OLFM3: variants seen among roughly 807,000 people sequenced by gnomAD.
The protein encoded by OLFM3 is olfactomedin 3.
OLFM3 carries 20 observed loss-of-function variants against 48.6 expected under a neutral mutation model. That is an observed-to-expected ratio of 0.41 (90% confidence interval 0.29 to 0.60). The LOEUF is 0.60. Among genes scored for constraint, OLFM3 ranks in the 20% least tolerant of loss-of-function variants. The pLI is 0.28. For missense variants in OLFM3, 437 were observed against 544.3 expected (o/e 0.80, Z 1.96); for synonymous variants, 222 against 198.1 (o/e 1.12, Z -1.01).
At chr1:101,896,352 T>C (rs922052715) in intron 1 of OLFM3, among the ~76,000 whole-genome samples, 4 of 152,154 alleles carry the variant, frequency 2.6e-5, no homozygotes, top group Non-Finnish European at 5.9e-5. Context: ...ACATTTGCCA[T>C]GGCACTTGTT....
chr1:101,957,173 TTTAAAGACATCA>T (rs1195317353), intron 1 of OLFM3, among the ~76,000 whole-genome samples: 1 of 151,932 alleles, frequency 6.6e-6, no homozygotes, highest in African/African-American at 2.4e-5. Flanking sequence ...TAGCTATGGT[TTTAAAGACATCA>T]TTTGGGAAGG....
At chr1:101,861,814 AT>A (rs1361906784) in intron 1 of OLFM3, among the ~76,000 whole-genome samples, 4 of 152,202 alleles carry the variant, frequency 2.6e-5, no homozygotes, top group Admixed American at 1.3e-4. Context: ...TAATCTTCAA[AT>A]TAGAGATTAT....
At chr1:101,903,894 T>C (rs1557724329) in intron 1 of OLFM3, among the ~76,000 whole-genome samples, 1 of 152,088 alleles carries the variant, frequency 6.6e-6, no homozygotes. Flanking sequence ...AATGACTGAT[T>C]ACAATAAGGA....
intron 3 of OLFM3, among the ~76,000 whole-genome samples, chr1:101,830,322 G>A (rs1655086647): frequency 6.6e-6 from 1 of 152,082 alleles, no homozygotes; most frequent in Admixed American, 6.6e-5. Context: ...TAATGGCATA[G>A]TTTTCTCTTT....
intron 1 of OLFM3, among the ~76,000 whole-genome samples, chr1:101,865,247 C>G (rs756007908): frequency 1.1e-4 from 17 of 151,900 alleles, no homozygotes; most frequent in Non-Finnish European, 2.4e-4. Flanking sequence ...CTAATTGGAA[C>G]AGCCCTGGCC....
intron 1 of OLFM3, among the ~76,000 whole-genome samples, chr1:101,966,157 C>CT (rs755645987): frequency 5.9e-5 from 9 of 151,854 alleles, no homozygotes; most frequent in Non-Finnish European, 1.2e-4. Context: ...TTTTATTTTT[C>CT]TTTTTTATTT....
intron 1 of OLFM3, among the ~76,000 whole-genome samples, chr1:101,939,943 A>T (rs1469883544): frequency 1.3e-5 from 2 of 152,312 alleles, no homozygotes; most frequent in Non-Finnish European, 2.9e-5. Context: ...TCTAGTTCAT[A>T]AATCAGTAAT....
rs1450148022 is a variant in OLFM3, at chr1:101,802,626, A to T, written c.*1612T>A. The T allele has an allele frequency of 1.3e-5, 2 of 151,668 alleles. No individual in the cohort carries two copies. Among genetic ancestry groups the T allele is most frequent in the Non-Finnish European group, 3.0e-5 (2 of 67,710 alleles). 9.4% of individuals were successfully genotyped at this position (151,668 alleles called of 1,614,324 possible). ...AATTTTGACAGTGAGATATTTGAGG[A>T]TGATGCTTTACTTGTGACATTTGAA... On this transcript the variant is annotated 3_prime_UTR_variant, in exon 6 of 6. Coordinates refer to ENST00000370103, the MANE Select transcript of OLFM3 (RefSeq NM_058170.4).
chr1:101,954,675 A>G (rs1313506645), intron 1 of OLFM3, among the ~76,000 whole-genome samples: 1 of 152,104 alleles, frequency 6.6e-6, no homozygotes, highest in East Asian at 1.9e-4. Flanking sequence ...GGCAAATAAC[A>G]GTGTTTCTAA....
At position 101,852,041 on chromosome 1, in the gene OLFM3, A is replaced by G. The variant is rs79081384; in HGVS notation, c.70-15016T>C. On this transcript the variant is annotated intron_variant, in intron 1 of 5. Transcript: ENST00000370103. ...GGTTATATCTCTCTCACCTACTCAA[A>G]GACAACTCTTATTTCCTCTTTTTCC... Among the ~76,000 whole-genome samples the G allele has an allele frequency of 2.6e-4, 39 of 152,216 alleles. No homozygotes were observed. In the East Asian group the frequency reaches 6.8e-3, roughly 26 times the overall value.
chr1:101,988,224 T>C (rs1402959340), intron 1 of OLFM3, among the ~76,000 whole-genome samples: 1 of 152,130 alleles, frequency 6.6e-6, no homozygotes, highest in Non-Finnish European at 1.5e-5. Context: ...ACAATAAAAG[T>C]AGTCAAAACA....
chr1:101,974,062 A>T (rs774449179), intron 1 of OLFM3, among the ~76,000 whole-genome samples: 9 of 151,698 alleles, frequency 5.9e-5, no homozygotes, highest in Non-Finnish European at 1.2e-4. Flanking sequence ...GCATATATAC[A>T]AGGTTGTTAT....
chr1:101,861,186 C>T (rs529368603), intron 1 of OLFM3, among the ~76,000 whole-genome samples: 4 of 151,958 alleles, frequency 2.6e-5, no homozygotes, highest in African/African-American at 7.2e-5. Context: ...CTTGGCCACC[C>T]GAGTAGCTGG....
Position 101,943,293 on chromosome 1 carries a change from G to A in OLFM3, c.69+53455C>T, listed in dbSNP as rs1235723440. 3.3e-5 allele frequency among the ~76,000 whole-genome samples: 5 copies of A among 152,286 alleles called. No individual in the cohort carries two copies. In the East Asian group the frequency reaches 5.8e-4, roughly 18 times the overall value. ...AGAAGAAATGCCACCTGTGGACAGC[G>A]GCTTCAGCCTGGGCTATGAGCTTCA... On this transcript the variant is annotated intron_variant, in intron 1 of 5. Transcript: ENST00000370103.
intron 1 of OLFM3, chr1:101,846,735 A>G: frequency 1.4e-6 from 1 of 720,358 alleles, no homozygotes; most frequent in Non-Finnish European, 2.4e-6. Context: ...TACATTTTTG[A>G]AGCTGACCTG....
chr1:101,881,575 T>C (rs1412236467), intron 1 of OLFM3, among the ~76,000 whole-genome samples: 2 of 151,906 alleles, frequency 1.3e-5, no homozygotes, highest in Admixed American at 6.6e-5. Flanking sequence ...ATAATAACAA[T>C]AAGGAGTAAG....
At chr1:101,912,227 G>A (rs4908198) in intron 1 of OLFM3, among the ~76,000 whole-genome samples, 65,770 of 151,966 alleles carry the variant, frequency 0.43, 14,331 homozygotes, top group East Asian at 0.59. Context: ...TGGAATACCT[G>A]TGGGAACCCA....
chr1:101,832,178 T>C (rs987155964), intron 2 of OLFM3, among the ~76,000 whole-genome samples: 2 of 152,214 alleles, frequency 1.3e-5, no homozygotes, highest in Non-Finnish European at 2.9e-5. Flanking sequence ...TGTGAGCCAC[T>C]GCGTCCAGCC....
At chr1:101,843,185 T>C (rs564572605) in intron 1 of OLFM3, among the ~76,000 whole-genome samples, 32 of 152,332 alleles carry the variant, frequency 2.1e-4, no homozygotes, top group African/African-American at 6.7e-4. Flanking sequence ...AAGTAGTTAT[T>C]CATGAGGAGA....
Sources: gnomAD v4.1 joint callset for allele counts (sites outside exome capture counted in the v4.1 genomes callset) on GRCh38, gnomAD v4.1.1 for gene constraint, MANE v1.5 for transcripts, NCBI Gene and HGNC (gene_info 2026-07-23, HGNC 2026-07-21) for gene names.